Variants in ZNF26 observed in about 807,000 individuals in gnomAD.
ZNF26 encodes the protein zinc finger protein 26.
ZNF26 carries 32 observed loss-of-function variants against 54.9 expected under a neutral mutation model. The observed-to-expected ratio is 0.58, with a 90% confidence interval of 0.44 to 0.78. ZNF26 has a LOEUF of 0.78. Among genes scored for constraint, ZNF26 ranks in the 30% least tolerant of loss-of-function variants. The pLI is 0.00. For synonymous variants in ZNF26, 221 were observed against 209.2 expected, an observed-to-expected ratio of 1.06 and a Z score of -0.49; for missense variants, 524 against 634.0, an observed-to-expected ratio of 0.83 and a Z score of 1.86.
At chr12:132,999,137 T>TA (rs1953154787) in intron 1 of ZNF26, among the ~76,000 whole-genome samples, 1 of 152,232 alleles carries the variant, frequency 6.6e-6, no homozygotes. Flanking sequence ...AACAGCTGTT[T>TA]ACACAGTTCC....
intron 1 of ZNF26, among the ~76,000 whole-genome samples, chr12:132,999,018 A>C (rs1441949094): frequency 6.6e-6 from 1 of 152,234 alleles, no homozygotes; most frequent in African/African-American, 2.4e-5. Flanking sequence ...TAATCAGAGC[A>C]GCAGTCTTCC....
intron 1 of ZNF26, among the ~76,000 whole-genome samples, chr12:132,993,425 T>C (rs1442941239): frequency 2.0e-5 from 3 of 152,006 alleles, no homozygotes; most frequent in African/African-American, 4.8e-5. Context: ...AACATCCCTA[T>C]CATGTCTGGT....
intron 1 of ZNF26, 45 bp downstream of exon 1, chr12:132,986,918 G>A: frequency 1.3e-6 from 2 of 1,574,508 alleles, no homozygotes; most frequent in Non-Finnish European, 1.7e-6. Flanking sequence ...GGATACTGAG[G>A]GTGGCCACGT....
In ZNF26 at chr12:132,986,871, T is replaced by G; in HGVS notation, c.31T>G (p.Trp11Gly). The change falls in exon 1 of 4, where the codon TGG (tryptophan) becomes GGG (glycine). Residue 11 changes from tryptophan to glycine, a missense_variant and splice_region_variant. Physicochemically the swap from Trp to Gly is radical, Grantham distance 184. Transcript: ENST00000328654. Reference sequence around the variant, plus strand: ...CACCAGTTTCCGGACAGCTTCGTGCTGGGTAAGTAGAGACTTTCCGTGTTT... The same window carrying G: ...CACCAGTTTCCGGACAGCTTCGTGCGGGGTAAGTAGAGACTTTCCGTGTTT... Reference protein sequence around the residue: MATSFRTASCWGLLSFKDISM... With the variant: MATSFRTASCGGLLSFKDISM... 2 of 1,607,018 alleles carry G rather than the reference T, an allele frequency of 1.2e-6. No homozygotes were observed. Among genetic ancestry groups the G allele is most frequent in the Non-Finnish European group, 1.7e-6 (2 of 1,176,826 alleles).
At chr12:133,003,955 T>C (rs2137244495) in intron 1 of ZNF26, among the ~76,000 whole-genome samples, 1 of 152,298 alleles carries the variant, frequency 6.6e-6, no homozygotes, top group Admixed American at 6.5e-5. Context: ...AAAAATGCAA[T>C]TATTTATGCT....
rs1449448980 is a variant in ZNF26, at chr12:133,017,228, TTC to T, written c.*5749_*5750del. The T allele has an allele frequency of 6.6e-6, 1 of 152,164 alleles. No homozygotes were observed. The highest frequency in any genetic ancestry group is 6.5e-5 in the Admixed American group (1 of 15,282). The allele number at this position is 152,164 out of a possible 1,614,324, so 9.4% of individuals were successfully genotyped here. On this transcript the variant is annotated 3_prime_UTR_variant, in exon 4 of 4. Coordinates refer to ENST00000328654, the MANE Select transcript of ZNF26 (RefSeq NM_019591.4). ...CTAATAATTTTTAGGGGAGTAGAGATTCTGATTATCCCACATGGCAGGGCATT... is the reference window on the plus strand; with the variant it reads ...CTAATAATTTTTAGGGGAGTAGAGATTGATTATCCCACATGGCAGGGCATT...
intron 1 of ZNF26, among the ~76,000 whole-genome samples, chr12:132,989,352 ACTTT>A (rs1952898055): frequency 2.1e-4 from 32 of 152,078 alleles, no homozygotes; most frequent in African/African-American, 7.7e-4. Flanking sequence ...ATTCTTTTGG[ACTTT>A]GCACAATTAT....
chr12:133,002,629 TG>T (rs1953243298), intron 1 of ZNF26, among the ~76,000 whole-genome samples: 1 of 151,068 alleles, frequency 6.6e-6, no homozygotes, highest in South Asian at 2.1e-4. Context: ...GTTTGTTTTT[TG>T]TTTTTTTGTT....
intron 1 of ZNF26, among the ~76,000 whole-genome samples, chr12:132,994,889 C>T (rs1953042516): frequency 6.6e-6 from 1 of 152,082 alleles, no homozygotes; most frequent in Non-Finnish European, 1.5e-5. Context: ...GGTTGCTGAG[C>T]AGCATTCCTG....
Position 133,023,449 on chromosome 12 carries a change from C to T in ZNF26, c.*11968C>T, listed in dbSNP as rs1030663406. 6.6e-6 allele frequency: 1 copy of T among 152,100 alleles called. No homozygotes were observed. The highest frequency in any genetic ancestry group is 1.9e-4 in the East Asian group (1 of 5,180). The allele number at this position is 152,100 out of a possible 1,614,324, so 9.4% of individuals were successfully genotyped here. On this transcript the variant is annotated 3_prime_UTR_variant, in exon 4 of 4. Coordinates refer to ENST00000328654, the MANE Select transcript of ZNF26 (RefSeq NM_019591.4). ...ATTCACCTAGAAATTCTTTTATAACCTTTACACCAAATCAGGATAGAGACA... is the reference window on the plus strand; with the variant it reads ...ATTCACCTAGAAATTCTTTTATAACTTTTACACCAAATCAGGATAGAGACA...
rs1953060223 is a variant in ZNF26 at position 132,995,543 on chromosome 12, A to G, written c.33+8670A>G. 5.3e-5 allele frequency among the ~76,000 whole-genome samples: 8 copies of G among 152,006 alleles called. No homozygotes were observed. In the South Asian group the frequency reaches 1.0e-3, roughly 20 times the overall value. On this transcript the variant is annotated intron_variant, in intron 1 of 3. Coordinates refer to ENST00000328654, the MANE Select transcript of ZNF26 (RefSeq NM_019591.4). Reference sequence around the variant, plus strand: ...CTGGATCATCTGTGCATCTTTATCAATTATCTGCCTATTCCTTTTGTCAGT... The same window carrying G: ...CTGGATCATCTGTGCATCTTTATCAGTTATCTGCCTATTCCTTTTGTCAGT...
In ZNF26 at chr12:133,018,454, G is replaced by A. The variant is rs1953596147; in HGVS notation, c.*6973G>A. ...GAAGTAGACTCTGATAAGTTAATGT[G>A]TATTTAACACTTCCTAGAACAAACA... On this transcript the variant is annotated 3_prime_UTR_variant, in exon 4 of 4. Coordinates refer to ENST00000328654, the MANE Select transcript of ZNF26 (RefSeq NM_019591.4). The A allele has an allele frequency of 6.6e-6, 1 of 152,058 alleles. No homozygotes were observed. Among genetic ancestry groups the A allele is most frequent in the South Asian group, 2.1e-4 (1 of 4,826 alleles). 9.4% of individuals were successfully genotyped at this position (152,058 alleles called of 1,614,324 possible).
At chr12:132,988,408 A>ATTTTT (rs1566250344) in intron 1 of ZNF26, among the ~76,000 whole-genome samples, 1 of 150,032 alleles carries the variant, frequency 6.7e-6, no homozygotes. Flanking sequence ...GCTAATTAAA[A>ATTTTT]ATTTTTTTTT....
In ZNF26 at chr12:132,986,700, C is replaced by A; in HGVS notation, c.-141C>A. On this transcript the variant is annotated 5_prime_UTR_variant, in exon 1 of 4. It adds an upstream start codon to the 5' untranslated region. Transcript: ENST00000328654. Reference sequence around the variant, plus strand: ...GGCGAGAGCTGAGGAGCCGGCGTCCCTGCCAACGACTCGGCCCCGGGACGG... The same window carrying A: ...GGCGAGAGCTGAGGAGCCGGCGTCCATGCCAACGACTCGGCCCCGGGACGG... 1.2e-6 allele frequency: 1 copy of A among 849,486 alleles called. No homozygotes were observed. Among genetic ancestry groups the A allele is most frequent in the Non-Finnish European group, 1.8e-6 (1 of 553,136 alleles). The allele number at this position is 849,486 out of a possible 1,614,324, so 52.6% of individuals were successfully genotyped here. A position where few individuals can be genotyped will look rare whatever the true frequency, so the allele number is the denominator to read the frequency against.
intron 1 of ZNF26, among the ~76,000 whole-genome samples, chr12:132,990,882 A>G (rs1283455813): frequency 6.6e-6 from 1 of 151,796 alleles, no homozygotes; most frequent in African/African-American, 2.4e-5. Flanking sequence ...TTTTTTTGAT[A>G]GAGTCTCACT....
Position 133,010,894 on chromosome 12 carries a change from G to C in ZNF26, c.1015G>C (p.Glu339Gln). The C allele has an allele frequency of 1.9e-6, 3 of 1,614,142 alleles. No individual in the cohort carries two copies. The highest frequency in any genetic ancestry group is 2.5e-6 in the Non-Finnish European group (3 of 1,180,032). The change falls in exon 4 of 4, where the codon GAA becomes CAA. Residue 339 changes from glutamate (E) to glutamine (Q), a missense_variant. Glu to Gln is a conservative substitution (Grantham distance 29). Coordinates refer to ENST00000328654, the MANE Select transcript of ZNF26 (RefSeq NM_019591.4). ...LLVHIRMHTG[E>Q]KPYQCSDCGK... The stretch of plus-strand genomic sequence containing the variant: ...TGTTCACATCCGAATGCATACAGGA[G>C]AAAAACCCTATCAATGCAGTGATTG...
chr12:133,012,578 G>GTTTTTTTTTTTTTTTTTTTT lies in ZNF26; in HGVS notation c.*1109_*1128dup, dbSNP rs1193864973. ...ATGTCTTTTGCTTTTTGTTGTTTGG[G>GTTTTTTTTTTTTTTTTTTTT]TTTTTTTTTTTTTTTTTTTTTTTTT... On this transcript the variant is annotated 3_prime_UTR_variant, in exon 4 of 4. Coordinates refer to ENST00000328654, the MANE Select transcript of ZNF26 (RefSeq NM_019591.4). The GTTTTTTTTTTTTTTTTTTTT allele has an allele frequency of 2.7e-5, 1 of 37,668 alleles. No individual in the cohort carries two copies. The highest frequency in any genetic ancestry group is 4.8e-5 in the Non-Finnish European group (1 of 20,648). The allele number at this position is 37,668 out of a possible 1,614,324, so 2.3% of individuals were successfully genotyped here. A position where few individuals can be genotyped will look rare whatever the true frequency, so the allele number is the denominator to read the frequency against.
chr12:133,006,167 T>C, intron 1 of ZNF26: 1 of 984,802 alleles, frequency 1.0e-6, no homozygotes, highest in Non-Finnish European at 1.2e-6. Flanking sequence ...ATGTGATGAC[T>C]AGAGCCATCT....
rs1185421678 is a variant in ZNF26 at position 133,021,019 on chromosome 12, C to T, written c.*9538C>T. The T allele has an allele frequency of 1.3e-5, 2 of 152,106 alleles. No individual in the cohort carries two copies. 9.4% of individuals were successfully genotyped at this position (152,106 alleles called of 1,614,324 possible). A position where few individuals can be genotyped will look rare whatever the true frequency, so the allele number is the denominator to read the frequency against. On this transcript the variant is annotated 3_prime_UTR_variant, in exon 4 of 4. Coordinates refer to ENST00000328654, the MANE Select transcript of ZNF26 (RefSeq NM_019591.4). Reference sequence around the variant, plus strand: ...TATGGAAATTAGGACCCCAACATATCTCTTTGAGTTGGGGGGACACTACTC... The same window carrying T: ...TATGGAAATTAGGACCCCAACATATTTCTTTGAGTTGGGGGGACACTACTC...
Sources: gnomAD v4.1 joint callset for allele counts (sites outside exome capture counted in the v4.1 genomes callset) on GRCh38, gnomAD v4.1.1 for gene constraint, MANE v1.5 for transcripts, NCBI Gene and HGNC (gene_info 2026-07-23, HGNC 2026-07-21) for gene names.